PTPN4: variants seen among roughly 807,000 people sequenced by gnomAD.
The protein encoded by PTPN4 is tyrosine-protein phosphatase non-receptor type 4.
In PTPN4, 49 loss-of-function variants were observed where a neutral mutation model predicts 135.5. That is an observed-to-expected ratio of 0.36 (90% CI 0.29 to 0.46). PTPN4 has a LOEUF of 0.46. Among genes scored for constraint, PTPN4 ranks in the 20% least tolerant of loss-of-function variants. The pLI is 1.00. For missense variants in PTPN4, 860 were observed against 1,101.0 expected (o/e 0.78, Z 3.10); for synonymous variants, 333 against 369.9 (o/e 0.90, Z 1.14).
At chr2:119,875,937 T>G (rs1232086382) in intron 3 of PTPN4, among the ~76,000 whole-genome samples, 1 of 152,214 alleles carries the variant, frequency 6.6e-6, no homozygotes, top group Non-Finnish European at 1.5e-5. Context: ...ATGGGAGCTG[T>G]ACGACATACT....
intron 26 of PTPN4, among the ~76,000 whole-genome samples, chr2:119,974,170 TG>T (rs1416634583): frequency 2.6e-5 from 4 of 152,192 alleles, no homozygotes; most frequent in Non-Finnish European, 5.9e-5. Flanking sequence ...TAAACATAGT[TG>T]ATGTGTTTTA....
intron 12 of PTPN4, among the ~76,000 whole-genome samples, chr2:119,922,542 C>A (rs1332847142): frequency 6.6e-6 from 1 of 152,120 alleles, no homozygotes; most frequent in Non-Finnish European, 1.5e-5. Flanking sequence ...CCCCACTTAG[C>A]CATGATATCC....
intron 3 of PTPN4, among the ~76,000 whole-genome samples, chr2:119,871,262 G>C: frequency 6.6e-6 from 1 of 151,252 alleles, no homozygotes; most frequent in East Asian, 1.9e-4. Flanking sequence ...AGAGTGTAAA[G>C]TGAAAAAGTG....
At chr2:119,773,731 G>GAA (rs1430865302) in intron 1 of PTPN4, among the ~76,000 whole-genome samples, 6 of 98,196 alleles carry the variant, frequency 6.1e-5, no homozygotes, top group East Asian at 3.4e-4. Context: ...GCAAGACTCT[G>GAA]TCTCAAAAAA....
Position 119,960,850 on chromosome 2 carries a change from G to C in PTPN4, c.2177G>C (p.Cys726Ser). 1 of 1,613,630 alleles carries C rather than the reference G, an allele frequency of 6.2e-7. No homozygotes were observed. Among genetic ancestry groups the C allele is most frequent in the Non-Finnish European group, 8.5e-7 (1 of 1,179,820 alleles). Reference protein sequence around the residue: ...SSSIINQYIACQGPLPHTCTD... With the variant: ...SSSIINQYIASQGPLPHTCTD... ...AGCATTATAAATCAGTACATTGCTTGTCAAGGGCCATTACCACACACTTGT... is the reference window on the plus strand; with the variant it reads ...AGCATTATAAATCAGTACATTGCTTCTCAAGGGCCATTACCACACACTTGT... Residue 726 changes from cysteine (C) to serine (S), a missense_variant, in exon 23 of 27, where the codon TGT becomes TCT. Cys to Ser is a moderately radical substitution (Grantham distance 112). Around this residue, in one of 2 missense-constraint regions of PTPN4, gnomAD observed 176 missense variants for 294.1 expected, o/e 0.60. Transcript: ENST00000263708.
chr2:119,795,982 C>T (rs1280808356), intron 1 of PTPN4, among the ~76,000 whole-genome samples: 2 of 152,214 alleles, frequency 1.3e-5, no homozygotes, highest in South Asian at 2.1e-4. Context: ...GCCAGCCTTG[C>T]GAATCCTGAC....
chr2:119,904,098 A>G (rs1477020422), intron 10 of PTPN4, among the ~76,000 whole-genome samples: 1 of 152,222 alleles, frequency 6.6e-6, no homozygotes, highest in Non-Finnish European at 1.5e-5. Context: ...AGGACAGAAG[A>G]AATAAATGCC....
chr2:119,888,297 G>A (rs1316265900), intron 9 of PTPN4, among the ~76,000 whole-genome samples: 1 of 152,022 alleles, frequency 6.6e-6, no homozygotes, highest in Non-Finnish European at 1.5e-5. Flanking sequence ...AGCAAAAAGA[G>A]GCCATTTGAC....
At position 119,782,978 on chromosome 2, in the gene PTPN4, C is replaced by CACCACGG. The variant is rs1484166375; in HGVS notation, c.-18+22600_-18+22601insGACCACG. On this transcript the variant is annotated intron_variant, in intron 1 of 26. Coordinates refer to ENST00000263708, the MANE Select transcript of PTPN4 (RefSeq NM_002830.4). The stretch of plus-strand genomic sequence containing the variant: ...CTGCCTTGGTATTACAGGTGTGAGC[C>CACCACGG]ACCACGCCTGGCTGAAATCCCTTTT... Among the ~76,000 whole-genome samples, 3 of 148,644 alleles carry CACCACGG rather than the reference C, an allele frequency of 2.0e-5. No homozygotes were observed. In the East Asian group the frequency reaches 6.1e-4, roughly 30 times the overall value.
intron 15 of PTPN4, among the ~76,000 whole-genome samples, chr2:119,937,218 C>T (rs1678996501): frequency 3.3e-5 from 5 of 152,138 alleles, no homozygotes; most frequent in Admixed American, 3.3e-4. Flanking sequence ...AAATACTTTG[C>T]AGCTTGGAAT....
At chr2:119,846,052 T>G (rs1677494546) in intron 2 of PTPN4, among the ~76,000 whole-genome samples, 1 of 152,354 alleles carries the variant, frequency 6.6e-6, no homozygotes, top group South Asian at 2.1e-4. Context: ...TTGGAGAATA[T>G]GTTGGGTATT....
At chr2:119,970,803 G>A (rs1006870308) in intron 26 of PTPN4, among the ~76,000 whole-genome samples, 1 of 152,070 alleles carries the variant, frequency 6.6e-6, no homozygotes, top group Non-Finnish European at 1.5e-5. Context: ...CATTTATCTT[G>A]GGTATACCCA....
At chr2:119,972,902 T>G (rs1266886205) in intron 26 of PTPN4, among the ~76,000 whole-genome samples, 1 of 152,168 alleles carries the variant, frequency 6.6e-6, no homozygotes, top group East Asian at 1.9e-4. Flanking sequence ...TAAATCTCAC[T>G]TGGACATAGT....
intron 1 of PTPN4, among the ~76,000 whole-genome samples, chr2:119,786,844 C>G (rs993810379): frequency 2.0e-5 from 3 of 152,122 alleles, no homozygotes; most frequent in Non-Finnish European, 2.9e-5. Flanking sequence ...CTGCCATAGC[C>G]TGTGATAGAT....
chr2:119,917,779 T>G (rs1422014387), intron 11 of PTPN4, among the ~76,000 whole-genome samples: 3 of 152,164 alleles, frequency 2.0e-5, no homozygotes, highest in African/African-American at 7.2e-5. Context: ...AGGCATACTC[T>G]GCAAAAGGTG....
chr2:119,845,305 T>C (rs1677480018), intron 2 of PTPN4, among the ~76,000 whole-genome samples: 1 of 129,276 alleles, frequency 7.7e-6, no homozygotes, highest in African/African-American at 2.9e-5. Context: ...AGAGGGCATT[T>C]TTCTTTAAAT....
intron 1 of PTPN4, among the ~76,000 whole-genome samples, chr2:119,777,474 G>T (rs1690857970): frequency 6.6e-6 from 1 of 151,986 alleles, no homozygotes; most frequent in South Asian, 2.1e-4. Context: ...TGTTTTGTTT[G>T]TCGATATATT....
At chr2:119,925,239 C>T (rs1166276315) in intron 12 of PTPN4, among the ~76,000 whole-genome samples, 3 of 152,172 alleles carry the variant, frequency 2.0e-5, no homozygotes, top group Non-Finnish European at 4.4e-5. Flanking sequence ...CCTTTCTCCA[C>T]TTTCTGATCT....
chr2:119,833,019 C>G (rs1178773724), intron 2 of PTPN4, among the ~76,000 whole-genome samples: 1 of 152,046 alleles, frequency 6.6e-6, no homozygotes, highest in Non-Finnish European at 1.5e-5. Flanking sequence ...GATTTTTAAC[C>G]ACTTGTTTTT....
Sources: allele counts gnomAD v4.1 joint callset (sites outside exome capture counted in the v4.1 genomes callset), GRCh38; gene constraint gnomAD v4.1.1; regional missense constraint gnomAD v4.1.1; transcripts MANE v1.5; gene names NCBI Gene and HGNC (gene_info 2026-07-23, HGNC 2026-07-21).